ZNF469: variants seen among roughly 807,000 people sequenced by gnomAD.
The protein encoded by ZNF469 is zinc finger protein 469.
Under a neutral mutation model 1.0 loss-of-function variants are expected in ZNF469, and 1 was observed. That is an observed-to-expected ratio of 1.00 (90% CI 0.35 to 4.73). The LOEUF (loss-of-function observed/expected upper bound fraction) is 4.73. ZNF469 is among the 30% of genes most tolerant of loss of function. The probability of loss-of-function intolerance (pLI) is 0.16; values close to 1 mark genes in which losing one functional copy is unlikely to be tolerated. For missense variants in ZNF469, 6,100 were observed against 5,356.3 expected, an observed-to-expected ratio of 1.14 and a Z score of -4.33; for synonymous variants, 2,703 against 2,363.4, an observed-to-expected ratio of 1.14 and a Z score of -4.17.
chr16:88,187,471 A>G, the ZNF469 span, among the ~76,000 whole-genome samples: 1 of 152,226 alleles, frequency 6.6e-6, no homozygotes, highest in African/African-American at 2.4e-5. Context: ...CTGTAATCAG[A>G]ACAGTGTGAA....
chr16:88,141,369 G>T, the ZNF469 span, among the ~76,000 whole-genome samples: 1 of 152,076 alleles, frequency 6.6e-6, no homozygotes, highest in African/African-American at 2.4e-5. Flanking sequence ...CGCCCTGGGA[G>T]GTACCCCCGT....
the ZNF469 span, among the ~76,000 whole-genome samples, chr16:88,188,324 C>T: frequency 6.6e-6 from 1 of 152,114 alleles, no homozygotes; most frequent in Non-Finnish European, 1.5e-5. Flanking sequence ...GCATCTAGCA[C>T]ATCTTGGGGG....
chr16:88,389,498 T>C (rs956474878), intron 1 of ZNF469, among the ~76,000 whole-genome samples: 1 of 152,252 alleles, frequency 6.6e-6, no homozygotes, highest in Non-Finnish European at 1.5e-5. Flanking sequence ...GGGCACCCAC[T>C]GTCATCTCTC....
At chr16:88,175,052 T>C in the ZNF469 span, among the ~76,000 whole-genome samples, 1 of 152,062 alleles carries the variant, frequency 6.6e-6, no homozygotes, top group Non-Finnish European at 1.5e-5. Context: ...CTGTTGTTCA[T>C]AGGAGAAATT....
Position 88,435,988 on chromosome 16 carries a change from G to A in ZNF469, c.8518G>A (p.Asp2840Asn), listed in dbSNP as rs1906544052. 6.5e-7 allele frequency: 1 copy of A among 1,549,892 alleles called. No homozygotes were observed. The highest frequency in any genetic ancestry group is 8.7e-7 in the Non-Finnish European group (1 of 1,146,994). ...CCAGGGGCCTGAAGGCCCCACTCCT[G>A]ATGCCTCTGGCTCCAGTGCCAAGGA... ...GVQGPEGPTP[D>N]ASGSSAKDPP... The change falls in exon 3 of 3, where the codon GAT (aspartate) becomes AAT (asparagine). Residue 2840 changes from aspartate to asparagine, a missense_variant. Physicochemically the swap from Asp to Asn is conservative, Grantham distance 23. Coordinates refer to ENST00000565624, the MANE Select transcript of ZNF469 (RefSeq NM_001367624.2).
the ZNF469 span, among the ~76,000 whole-genome samples, chr16:88,294,554 C>T: frequency 6.6e-6 from 1 of 152,238 alleles, no homozygotes; most frequent in Non-Finnish European, 1.5e-5. Context: ...AAGAGCCACT[C>T]ATTCTTTGAA....
At chr16:88,407,168 G>C (rs1905046599) in intron 1 of ZNF469, among the ~76,000 whole-genome samples, 1 of 152,244 alleles carries the variant, frequency 6.6e-6, no homozygotes, top group Non-Finnish European at 1.5e-5. Flanking sequence ...GTCCCTGAGT[G>C]GGCGGCTGCG....
At chr16:88,124,318 C>A in the ZNF469 span, among the ~76,000 whole-genome samples, 1 of 152,178 alleles carries the variant, frequency 6.6e-6, no homozygotes, top group Non-Finnish European at 1.5e-5. Context: ...ACTGCAGCCT[C>A]CACCTTCTGG....
chr16:88,147,214 G>A, the ZNF469 span, among the ~76,000 whole-genome samples: 2 of 152,032 alleles, frequency 1.3e-5, no homozygotes, highest in Admixed American at 1.3e-4. Flanking sequence ...GAGGGGCCAC[G>A]AGCCAAGGGA....
the ZNF469 span, among the ~76,000 whole-genome samples, chr16:88,126,188 CAAAAAAAAAA>C: frequency 5.1e-5 from 3 of 59,038 alleles, no homozygotes; most frequent in African/African-American, 6.7e-5. Flanking sequence ...GACTCCATCC[CAAAAAAAAAA>C]AAAAAAAAAA....
chr16:88,429,696 C>T lies in ZNF469; in HGVS notation c.2226C>T (p.Ser742=), dbSNP rs1905992064. ...TCRQCDRNYS[S]LAAFLAHRQF... Reference sequence around the variant, plus strand: ...GGCAGTGTGACCGCAACTACAGCAGCCTGGCGGCCTTCCTGGCCCACCGGC... The same window carrying T: ...GGCAGTGTGACCGCAACTACAGCAGTCTGGCGGCCTTCCTGGCCCACCGGC... Residue 742 remains serine, a synonymous_variant, in exon 3 of 3, where the codon AGC becomes AGT. Coordinates refer to ENST00000565624, the MANE Select transcript of ZNF469 (RefSeq NM_001367624.2). The T allele has an allele frequency of 1.9e-6, 3 of 1,542,608 alleles. No individual in the cohort carries two copies. The highest frequency in any genetic ancestry group is 2.6e-6 in the Non-Finnish European group (3 of 1,142,086).
the ZNF469 span, among the ~76,000 whole-genome samples, chr16:88,304,060 C>G: frequency 6.6e-6 from 1 of 152,224 alleles, no homozygotes; most frequent in Non-Finnish European, 1.5e-5. Context: ...GGCTGTTATG[C>G]AGACCAGAGT....
At chr16:88,290,671 C>G in the ZNF469 span, among the ~76,000 whole-genome samples, 1 of 152,246 alleles carries the variant, frequency 6.6e-6, no homozygotes, top group Non-Finnish European at 1.5e-5. Flanking sequence ...ATCCCCACCA[C>G]CCCCCAACCT....
the ZNF469 span, among the ~76,000 whole-genome samples, chr16:88,283,447 T>A: frequency 5.9e-5 from 9 of 152,216 alleles, no homozygotes; most frequent in South Asian, 1.5e-3. Context: ...GATGGAGAAG[T>A]CAATACATTT....
chr16:88,391,533 C>T (rs1256544029), intron 1 of ZNF469, among the ~76,000 whole-genome samples: 1 of 152,236 alleles, frequency 6.6e-6, no homozygotes, highest in Admixed American at 6.5e-5. Flanking sequence ...TTGGTGTCCT[C>T]TTCATCAAGT....
chr16:88,200,838 C>A, the ZNF469 span, among the ~76,000 whole-genome samples: 2 of 152,260 alleles, frequency 1.3e-5, no homozygotes, highest in Non-Finnish European at 2.9e-5. Flanking sequence ...TGTTGTCCTC[C>A]TGCAAAGGGG....
the ZNF469 span, among the ~76,000 whole-genome samples, chr16:88,167,997 G>A: frequency 3.9e-5 from 6 of 152,240 alleles, no homozygotes; most frequent in African/African-American, 1.4e-4. Context: ...GCAGTTTGGC[G>A]GGCGGGTCCC....
At position 88,439,006 on chromosome 16, in the gene ZNF469, C is replaced by G. The variant is rs886052420; in HGVS notation, c.11536C>G (p.Arg3846Gly). 6.4e-7 allele frequency: 1 copy of G among 1,550,420 alleles called. No homozygotes were observed. The highest frequency in any genetic ancestry group is 8.7e-7 in the Non-Finnish European group (1 of 1,146,974). Reference protein sequence around the residue: ...RAPSAPDKPPRTPRKQATPSR... With the variant: ...RAPSAPDKPPGTPRKQATPSR... ...CCCCTCAGCCCCTGACAAGCCCCCC[C>G]GGACCCCTCGGAAGCAGGCAACTCC... is the stretch of plus-strand genomic sequence containing the variant. Residue 3846 changes from arginine to glycine, a missense_variant, in exon 3 of 3, where the codon CGG (arginine) becomes GGG (glycine). Transcript: ENST00000565624.
the ZNF469 span, among the ~76,000 whole-genome samples, chr16:88,285,203 T>G: frequency 6.6e-6 from 1 of 152,384 alleles, no homozygotes; most frequent in South Asian, 2.1e-4. Flanking sequence ...CCCGGAGAAC[T>G]GCCCCCAGAG....
Sources: allele counts gnomAD v4.1 joint callset (sites outside exome capture counted in the v4.1 genomes callset), GRCh38; gene constraint gnomAD v4.1.1; transcripts MANE v1.5; gene names NCBI Gene and HGNC (gene_info 2026-07-23, HGNC 2026-07-21).